The following SIK3 variants were observed in gnomAD, a reference collection of about 807,000 sequenced individuals.
SIK3 encodes the protein serine/threonine-protein kinase SIK3.
SIK3 carries 28 observed loss-of-function variants against 144.2 expected under a neutral mutation model. The observed-to-expected ratio is 0.19, with a 90% CI of 0.14 to 0.27. The LOEUF is 0.27. Among genes scored for constraint, SIK3 ranks in the 10% least tolerant of loss-of-function variants. The pLI, the probability that SIK3 is intolerant of heterozygous loss-of-function variation, is 1.00. For synonymous variants in SIK3, 686 were observed against 676.3 expected (o/e 1.01, Z -0.22); for missense variants, 1,319 against 1,776.0 (o/e 0.74, Z 4.62).
intron 1 of SIK3, among the ~76,000 whole-genome samples, chr11:116,991,075 C>T (rs1027101256): frequency 1.3e-5 from 2 of 152,190 alleles, no homozygotes; most frequent in Non-Finnish European, 2.9e-5. Flanking sequence ...AAGTTTAAGG[C>T]TCATCCAAGG....
chr11:116,886,452 A>G (rs1026653437), intron 6 of SIK3, among the ~76,000 whole-genome samples: 2 of 152,214 alleles, frequency 1.3e-5, no homozygotes, highest in Non-Finnish European at 2.9e-5. Context: ...TTTGCCTCTA[A>G]GTAGAAGCTT....
chr11:116,947,971 G>C (rs1184607092), intron 3 of SIK3, among the ~76,000 whole-genome samples: 1 of 140,592 alleles, frequency 7.1e-6, no homozygotes, highest in Non-Finnish European at 1.5e-5. Flanking sequence ...GTCTCACTCT[G>C]TTGCCCAGAC....
intron 1 of SIK3, among the ~76,000 whole-genome samples, chr11:117,042,375 T>C (rs1308026917): frequency 6.6e-6 from 1 of 152,174 alleles, no homozygotes; most frequent in East Asian, 1.9e-4. Context: ...GGAGGCACAA[T>C]GGTTAAAGGC....
At chr11:116,873,429 T>C (rs887740812) in intron 13 of SIK3, 52 bp downstream of exon 13, 5 of 1,613,402 alleles carry the variant, frequency 3.1e-6, no homozygotes, top group Non-Finnish European at 4.2e-6. Context: ...GCTCACAACC[T>C]TTTTATCAAA....
intron 4 of SIK3, among the ~76,000 whole-genome samples, chr11:116,907,384 C>T (rs193170402): frequency 2.0e-5 from 3 of 152,336 alleles, no homozygotes; most frequent in East Asian, 3.9e-4. Flanking sequence ...CAGTGGCTCA[C>T]ACCTGTAATC....
In SIK3 at chr11:116,951,916, G is replaced by C. The variant is rs138239121; in HGVS notation, c.454+2128C>G. 1.4e-3 allele frequency among the ~76,000 whole-genome samples: 204 copies of C among 150,366 alleles called. 1 individual carries two copies. The highest frequency in any genetic ancestry group is 4.5e-3 in the African/African-American group (183 of 40,922). ...GTTACTGCACTTCACCTGGTCAACA[G>C]AGCCAAGACCCTAGCTCAAAAAAGA... On this transcript the variant is annotated intron_variant, in intron 3 of 24. Transcript: ENST00000445177.
chr11:116,982,370 C>A (rs1455599249), intron 1 of SIK3, among the ~76,000 whole-genome samples: 1 of 151,622 alleles, frequency 6.6e-6, no homozygotes, highest in Non-Finnish European at 1.5e-5. Flanking sequence ...TTCACTGCAA[C>A]CTCCACCTCC....
intron 1 of SIK3, among the ~76,000 whole-genome samples, chr11:117,071,924 T>G (rs1331438226): frequency 9.9e-6 from 1 of 100,756 alleles, no homozygotes; most frequent in East Asian, 2.4e-4. Context: ...CAGCCAAGAG[T>G]TGTGTTTGTT....
At chr11:116,981,083 G>C (rs1239976148) in intron 1 of SIK3, among the ~76,000 whole-genome samples, 2 of 152,122 alleles carry the variant, frequency 1.3e-5, no homozygotes, top group Non-Finnish European at 1.5e-5. Flanking sequence ...TTAGTTACCT[G>C]TCAATCGATG....
At chr11:117,031,289 T>C (rs774834894) in intron 1 of SIK3, among the ~76,000 whole-genome samples, 65 of 151,936 alleles carry the variant, frequency 4.3e-4, no homozygotes, top group South Asian at 1.2e-3. Context: ...TTTTATGTTT[T>C]ACATTTAAGT....
chr11:116,900,187 CT>C (rs1479961217), intron 4 of SIK3, among the ~76,000 whole-genome samples: 4 of 152,158 alleles, frequency 2.6e-5, no homozygotes, highest in African/African-American at 9.7e-5. Flanking sequence ...GCTTTCAGTG[CT>C]TTTACCCTCA....
At chr11:117,025,548 C>T (rs1357185293) in intron 1 of SIK3, among the ~76,000 whole-genome samples, 1 of 150,828 alleles carries the variant, frequency 6.6e-6, no homozygotes, top group Non-Finnish European at 1.5e-5. Flanking sequence ...CAGGCTCAAG[C>T]CTCTGGAGTA....
chr11:116,945,455 G>A (rs1948545905), intron 3 of SIK3, among the ~76,000 whole-genome samples: 1 of 145,814 alleles, frequency 6.9e-6, no homozygotes, highest in Non-Finnish European at 1.5e-5. Context: ...AAACTCCTGG[G>A]CTCCAGTGAT....
intron 4 of SIK3, among the ~76,000 whole-genome samples, chr11:116,899,370 T>C (rs961398237): frequency 6.6e-6 from 1 of 152,196 alleles, no homozygotes; most frequent in Non-Finnish European, 1.5e-5. Flanking sequence ...TTTTGGTTAC[T>C]GTAGCCTTGT....
At chr11:116,919,519 C>T (rs1946846489) in intron 4 of SIK3, among the ~76,000 whole-genome samples, 1 of 152,110 alleles carries the variant, frequency 6.6e-6, no homozygotes, top group Non-Finnish European at 1.5e-5. Context: ...ACAAAAGTTT[C>T]CAACTTCCTT....
chr11:116,949,506 TTTTTG>T (rs1293167670), intron 3 of SIK3, among the ~76,000 whole-genome samples: 2 of 152,202 alleles, frequency 1.3e-5, no homozygotes, highest in Non-Finnish European at 2.9e-5. Context: ...CATCAGTGTT[TTTTTG>T]TTTTATTTTT....
At chr11:116,863,293 C>T (rs763350963) in intron 16 of SIK3, among the ~76,000 whole-genome samples, 4 of 152,120 alleles carry the variant, frequency 2.6e-5, no homozygotes, top group Non-Finnish European at 4.4e-5. Flanking sequence ...GTTCTGTTGC[C>T]AGGATGGAGT....
At chr11:117,015,003 G>A (rs1183158310) in intron 1 of SIK3, among the ~76,000 whole-genome samples, 2 of 152,180 alleles carry the variant, frequency 1.3e-5, no homozygotes, top group Non-Finnish European at 2.9e-5. Flanking sequence ...AGTTGAGGCT[G>A]TAGCAAGCTG....
At chr11:117,065,561 G>A (rs987841849) in intron 1 of SIK3, among the ~76,000 whole-genome samples, 12 of 151,772 alleles carry the variant, frequency 7.9e-5, no homozygotes, top group African/African-American at 2.4e-4. Context: ...ATACAGCGGA[G>A]TTGATCAAAA....
Sources: allele counts gnomAD v4.1 joint callset (sites outside exome capture counted in the v4.1 genomes callset), GRCh38; gene constraint gnomAD v4.1.1; transcripts MANE v1.5; gene names NCBI Gene and HGNC (gene_info 2026-07-23, HGNC 2026-07-21).